The following GULP1 variants were observed in gnomAD, a reference collection of about 807,000 sequenced individuals.
GULP1 encodes GULP PTB domain containing engulfment adaptor 1, also known as PTB domain-containing engulfment adapter protein 1.
GULP1 carries 19 observed loss-of-function variants against 40.9 expected under a neutral mutation model. The observed-to-expected ratio is 0.46, with a 90% CI of 0.32 to 0.68. GULP1 has a LOEUF of 0.68. Ranked by LOEUF, GULP1 falls within the 30% of genes least tolerant of loss-of-function variation. GULP1 has a pLI of 0.03. For synonymous variants in GULP1, 119 were observed against 117.6 expected (o/e 1.01, Z -0.08); for missense variants, 312 against 362.2 (o/e 0.86, Z 1.12).
At chr2:188,510,778 A>G (rs2153197216) in intron 4 of GULP1, among the ~76,000 whole-genome samples, 1 of 151,922 alleles carries the variant, frequency 6.6e-6, no homozygotes, top group African/African-American at 2.4e-5. Context: ...TCAGAAGAAT[A>G]AATGTTTGAA....
intron 1 of GULP1, among the ~76,000 whole-genome samples, chr2:188,319,625 T>C (rs1331806023): frequency 6.6e-6 from 1 of 152,144 alleles, no homozygotes. Context: ...GTCAGGTCAT[T>C]CATCAACAAG....
Position 188,292,585 on chromosome 2 carries a change from G to A in GULP1, c.-172+419G>A, listed in dbSNP as rs1559076510. ...AAACCGTGGATCCGTCCGGCTGAGGGTGCGTGGATCAGACTGGGCTGAGCA... is the reference window on the plus strand; with the variant it reads ...AAACCGTGGATCCGTCCGGCTGAGGATGCGTGGATCAGACTGGGCTGAGCA... On this transcript the variant is annotated intron_variant, in intron 1 of 11. Transcript: ENST00000409830. This position sits in a 1 kb window ranked among gnomAD's most constrained non-coding sequence, Gnocchi z 4.0. Among the ~76,000 whole-genome samples, 1 of 152,098 alleles carries A rather than the reference G, an allele frequency of 6.6e-6. No individual in the cohort carries two copies. Among genetic ancestry groups the A allele is most frequent in the African/African-American group, 2.4e-5 (1 of 41,416 alleles).
intron 7 of GULP1, among the ~76,000 whole-genome samples, chr2:188,546,294 A>C (rs1263884859): frequency 6.6e-6 from 1 of 151,986 alleles, no homozygotes; most frequent in African/African-American, 2.4e-5. Context: ...TGTTTGAGGA[A>C]GATGTACCAA....
At chr2:188,340,711 G>A (rs995640697) in intron 1 of GULP1, among the ~76,000 whole-genome samples, 5 of 152,120 alleles carry the variant, frequency 3.3e-5, no homozygotes, top group African/African-American at 2.4e-5. Context: ...CGTCACACCC[G>A]AGCTCTTTTT....
intron 1 of GULP1, among the ~76,000 whole-genome samples, chr2:188,346,975 A>G (rs1574597489): frequency 6.6e-6 from 1 of 152,078 alleles, no homozygotes; most frequent in South Asian, 2.1e-4. Flanking sequence ...GTCTCAAAAA[A>G]AAAAAAAAAT....
In GULP1 at chr2:188,594,020, A is replaced by G; in HGVS notation, c.*9A>G. 6.6e-7 allele frequency: 1 copy of G among 1,506,204 alleles called. No individual in the cohort carries two copies. The allele number at this position is 1,506,204 out of a possible 1,614,324, so 93.3% of individuals were successfully genotyped here. A position where few individuals can be genotyped will look rare whatever the true frequency, so the allele number is the denominator to read the frequency against. The stretch of plus-strand genomic sequence containing the variant: ...TAGACAGTAGGTGCTGACATCAAGA[A>G]CAAGAAATCCTGATTCATGTTAAAT... On this transcript the variant is annotated 3_prime_UTR_variant, in exon 12 of 12. Transcript: ENST00000409830.
At chr2:188,333,759 T>C (rs1355075259) in intron 1 of GULP1, among the ~76,000 whole-genome samples, 1 of 152,220 alleles carries the variant, frequency 6.6e-6, no homozygotes, top group Non-Finnish European at 1.5e-5. Flanking sequence ...AATTTTGTTA[T>C]GTGCTTTGCC....
chr2:188,580,498 A>G (rs1266473328), intron 9 of GULP1, among the ~76,000 whole-genome samples: 1 of 149,810 alleles, frequency 6.7e-6, no homozygotes, highest in Non-Finnish European at 1.5e-5. Flanking sequence ...GCTTGCAGTG[A>G]GCCGAGATCC....
chr2:188,469,124 G>A (rs2060372725), intron 2 of GULP1, among the ~76,000 whole-genome samples: 1 of 152,196 alleles, frequency 6.6e-6, no homozygotes, highest in East Asian at 1.9e-4. Flanking sequence ...AAGGCGTAAA[G>A]CTTAACTAAA....
intron 1 of GULP1, among the ~76,000 whole-genome samples, chr2:188,377,487 A>T (rs2048445215): frequency 6.6e-6 from 1 of 152,168 alleles, no homozygotes; most frequent in Non-Finnish European, 1.5e-5. Context: ...AAGCTGTATG[A>T]CTTAGGAGAA....
Position 188,389,170 on chromosome 2 carries a change from G to C in GULP1, c.-45+5281G>C, listed in dbSNP as rs2050188890. On this transcript the variant is annotated intron_variant, in intron 2 of 11. Coordinates refer to ENST00000409830, the MANE Select transcript of GULP1 (RefSeq NM_016315.4). ...GTAAAAGCGGGTTTTGTTATTGTTG[G>C]TAAAATTTGTTTGGCTTTGAACACT... Among the ~76,000 whole-genome samples, 6 of 152,118 alleles carry C rather than the reference G, an allele frequency of 3.9e-5. No homozygotes were observed. The South Asian group carries it at 1.2e-3, about 31-fold the overall frequency.
intron 2 of GULP1, chr2:188,384,401 G>GC (rs1362201783): frequency 6.6e-6 from 1 of 151,938 alleles, no homozygotes; most frequent in Non-Finnish European, 1.5e-5. Flanking sequence ...GGAAAGACTC[G>GC]CCCCCATGAT....
intron 2 of GULP1, among the ~76,000 whole-genome samples, chr2:188,440,516 T>C (rs762425079): frequency 2.0e-5 from 3 of 152,216 alleles, no homozygotes. Context: ...TTACATTGTT[T>C]ATGTGTTATG....
chr2:188,587,896 T>G lies in GULP1; in HGVS notation c.790T>G (p.Cys264Gly), dbSNP rs1211462194. Residue 264 changes from cysteine (C) to glycine (G), a missense_variant, in exon 11 of 12, where the codon TGT becomes GGT. By Grantham distance (159) the Cys-to-Gly change is radical. Coordinates refer to ENST00000409830, the MANE Select transcript of GULP1 (RefSeq NM_016315.4). ...AGCAGAACCTTTTGACCCATTTAAC[T>G]GTGGAGCAGCAGATTTCCCTCCAGA... ...FGAEPFDPFN[C>G]GAADFPPDIQ... 3.7e-6 allele frequency: 6 copies of G among 1,611,318 alleles called. No homozygotes were observed. The highest frequency in any genetic ancestry group is 3.4e-6 in the Non-Finnish European group (4 of 1,177,520).
intron 3 of GULP1, among the ~76,000 whole-genome samples, chr2:188,481,980 C>G (rs1282126954): frequency 6.6e-6 from 1 of 151,858 alleles, no homozygotes; most frequent in Non-Finnish European, 1.5e-5. Flanking sequence ...GCTAAGATGA[C>G]AATCCTTATA....
rs141082661 is a variant in GULP1 at position 188,402,208 on chromosome 2, C to T, written c.-45+18319C>T. Reference sequence around the variant, plus strand: ...ATAACTTTAATAAAAGGCTGAAAGCCGGCTAGTACCTACAGTAAGGAAAAT... The same window carrying T: ...ATAACTTTAATAAAAGGCTGAAAGCTGGCTAGTACCTACAGTAAGGAAAAT... On this transcript the variant is annotated intron_variant, in intron 2 of 11. Transcript: ENST00000409830. Among the ~76,000 whole-genome samples, 52 of 152,122 alleles carry T rather than the reference C, an allele frequency of 3.4e-4. No individual in the cohort carries two copies. In the East Asian group the frequency reaches 8.1e-3, roughly 24 times the overall value.
chr2:188,408,754 G>A (rs2053473922), intron 2 of GULP1, among the ~76,000 whole-genome samples: 1 of 152,134 alleles, frequency 6.6e-6, no homozygotes, highest in Non-Finnish European at 1.5e-5. Flanking sequence ...CTCCATGATA[G>A]ATCATATCTT....
At chr2:188,389,073 A>G (rs13399903) in intron 2 of GULP1, among the ~76,000 whole-genome samples, 3,588 of 152,280 alleles carry the variant, frequency 0.024, 154 homozygotes, top group African/African-American at 0.082. Context: ...TTAAGCGGGG[A>G]TTAAAGAAAC....
At chr2:188,380,478 A>G (rs977740972) in intron 1 of GULP1, among the ~76,000 whole-genome samples, 46 of 152,152 alleles carry the variant, frequency 3.0e-4, no homozygotes, top group African/African-American at 1.1e-3. Flanking sequence ...AAGAGTGATT[A>G]ATCATGCCAG....
Sources: allele counts gnomAD v4.1 joint callset (sites outside exome capture counted in the v4.1 genomes callset), GRCh38; gene constraint gnomAD v4.1.1; non-coding constraint Gnocchi (gnomAD v3.1); transcripts MANE v1.5; gene names NCBI Gene and HGNC (gene_info 2026-07-23, HGNC 2026-07-21).